SNX29: variants seen among roughly 807,000 people sequenced by gnomAD.
The protein encoded by SNX29 is sorting nexin 29, also known as sorting nexin-29.
In SNX29, 78 loss-of-function variants were observed where a neutral mutation model predicts 102.1. That is an observed-to-expected ratio of 0.76 (90% CI 0.64 to 0.92). The LOEUF (loss-of-function observed/expected upper bound fraction) is 0.92, where lower values mean the gene tolerates loss of function less well. Ranked by LOEUF, SNX29 falls within the 40% of genes least tolerant of loss-of-function variation. The pLI is 0.00. For synonymous variants in SNX29, 580 were observed against 414.5 expected (o/e 1.40, Z -4.85); for missense variants, 1,280 against 1,061.7 (o/e 1.21, Z -2.86).
intron 7 of SNX29, among the ~76,000 whole-genome samples, chr16:12,050,149 A>G (rs940913875): frequency 6.6e-6 from 1 of 152,150 alleles, no homozygotes; most frequent in African/African-American, 2.4e-5. Flanking sequence ...TGAAATTTCT[A>G]CACCCACAGG....
At position 12,129,658 on chromosome 16, in the gene SNX29, A is replaced by G. The variant is rs780906199; in HGVS notation, c.1495A>G (p.Met499Val). The G allele has an allele frequency of 1.2e-5, 19 of 1,611,266 alleles. 1 individual carries two copies. In the Admixed American group the frequency reaches 2.8e-4, roughly 24 times the overall value. The change falls in exon 13 of 21, where the codon ATG (methionine) becomes GTG (valine). Residue 499 changes from methionine (M) to valine (V), a missense_variant. Met to Val is a conservative substitution (Grantham distance 21, BLOSUM62 1). Coordinates refer to ENST00000566228, the MANE Select transcript of SNX29 (RefSeq NM_032167.5). ...RSLRNLLDGE[M>V]EHSAALRQEV... Reference sequence around the variant, plus strand: ...ACTGCGAAACCTGCTCGACGGTGAGATGGAGCACTCAGCCGCGCTCCGGCA... The same window carrying G: ...ACTGCGAAACCTGCTCGACGGTGAGGTGGAGCACTCAGCCGCGCTCCGGCA...
chr16:12,567,219 G>A (rs1280263560), intron 20 of SNX29, among the ~76,000 whole-genome samples: 3 of 152,242 alleles, frequency 2.0e-5, no homozygotes, highest in Non-Finnish European at 2.9e-5. Flanking sequence ...CTAAACCACA[G>A]ATAAGGCAGA....
intron 13 of SNX29, among the ~76,000 whole-genome samples, chr16:12,189,886 C>T (rs2076600504): frequency 6.6e-6 from 1 of 152,060 alleles, no homozygotes; most frequent in Non-Finnish European, 1.5e-5. Flanking sequence ...CTTCTGTGTC[C>T]TTTTAAAGTG....
Position 12,282,831 on chromosome 16 carries a change from A to C in SNX29, c.1782+4795A>C, listed in dbSNP as rs754721974. Among the ~76,000 whole-genome samples, 512 of 152,090 alleles carry C rather than the reference A, an allele frequency of 3.4e-3. 3 individuals carry two copies. The highest frequency in any genetic ancestry group is 5.5e-3 in the Non-Finnish European group (372 of 67,966). On this transcript the variant is annotated intron_variant, in intron 15 of 20. Transcript: ENST00000566228. ...CCACAATGCCTGGCTAATTTTTTGTATTTTTAGTAGAGACAGGGTTTCATC... is the reference window on the plus strand; with the variant it reads ...CCACAATGCCTGGCTAATTTTTTGTCTTTTTAGTAGAGACAGGGTTTCATC...
intron 20 of SNX29, among the ~76,000 whole-genome samples, chr16:12,533,605 C>G (rs149798959): frequency 3.3e-5 from 5 of 152,174 alleles, no homozygotes; most frequent in African/African-American, 7.2e-5. Context: ...GGAGGAGACA[C>G]CCCGCTACCT....
At chr16:12,515,883 A>C (rs372420962) in intron 19 of SNX29, among the ~76,000 whole-genome samples, 3 of 152,034 alleles carry the variant, frequency 2.0e-5, no homozygotes, top group African/African-American at 7.2e-5. Context: ...CTGTAACTCG[A>C]TGGTGCACCA....
At chr16:12,539,622 C>T (rs1040230622) in intron 20 of SNX29, among the ~76,000 whole-genome samples, 7 of 152,196 alleles carry the variant, frequency 4.6e-5, no homozygotes, top group Non-Finnish European at 1.0e-4. Context: ...AGGACTGGAT[C>T]CTATGCTAAA....
intron 16 of SNX29, among the ~76,000 whole-genome samples, chr16:12,358,815 G>A (rs1242309937): frequency 6.6e-6 from 1 of 152,202 alleles, no homozygotes; most frequent in African/African-American, 2.4e-5. Context: ...AAAGGCCCAG[G>A]AAGACAGGAT....
intron 3 of SNX29, among the ~76,000 whole-genome samples, chr16:12,024,201 C>G (rs543274546): frequency 6.6e-6 from 1 of 151,428 alleles, no homozygotes; most frequent in African/African-American, 2.4e-5. Flanking sequence ...TATAATGGCA[C>G]GATCTCGGCT....
At chr16:12,483,506 G>A (rs185193475) in intron 19 of SNX29, among the ~76,000 whole-genome samples, 5 of 151,794 alleles carry the variant, frequency 3.3e-5, no homozygotes, top group East Asian at 2.0e-4. Flanking sequence ...TTGTAGAGAC[G>A]GGGTTTCACC....
rs373870220 is a variant in SNX29 at position 12,540,904 on chromosome 16, T to C, written c.2318+16063T>C. Among the ~76,000 whole-genome samples, 107 of 152,328 alleles carry C rather than the reference T, an allele frequency of 7.0e-4. 2 individuals are homozygous for C. The East Asian group carries it at 0.02, about 28-fold the overall frequency. On this transcript the variant is annotated intron_variant, in intron 20 of 20. Transcript: ENST00000566228. ...TGGACCCAGAGCTGGAGGGCTTCTC[T>C]GACAGCCCTGTCTGTTCACCCCCTG...
chr16:12,545,353 TAC>T (rs1334961837), intron 20 of SNX29: 4 of 152,134 alleles, frequency 2.6e-5, no homozygotes, highest in African/African-American at 4.8e-5. Flanking sequence ...TCCAAGTACA[TAC>T]AGAGTGACAA....
chr16:12,051,883 A>C lies in SNX29; in HGVS notation c.785A>C (p.Lys262Thr), dbSNP rs1429016082. ...KCKKERKKKK[K>T]VTNIISFDDE... ...AAAAAGGAGCGGAAGAAGAAAAAGA[A>C]AGTGACCAACATAATCTCATTTGAT... Residue 262 changes from lysine to threonine, a missense_variant, in exon 8 of 21, where the codon AAA (lysine) becomes ACA (threonine). Coordinates refer to ENST00000566228, the MANE Select transcript of SNX29 (RefSeq NM_032167.5). The C allele has an allele frequency of 6.2e-7, 1 of 1,613,224 alleles. No individual in the cohort carries two copies. The highest frequency in any genetic ancestry group is 1.1e-5 in the South Asian group (1 of 90,686).
At chr16:12,418,403 G>T (rs929262243) in intron 18 of SNX29, among the ~76,000 whole-genome samples, 3 of 152,034 alleles carry the variant, frequency 2.0e-5, no homozygotes, top group Non-Finnish European at 4.4e-5. Context: ...TGTTTTTCTA[G>T]TGGAGTGGGT....
At chr16:12,465,875 CTT>C (rs2087028407) in intron 18 of SNX29, among the ~76,000 whole-genome samples, 1 of 151,100 alleles carries the variant, frequency 6.6e-6, no homozygotes, top group Non-Finnish European at 1.5e-5. Context: ...ATGTCTGATA[CTT>C]TTAAGCATAT....
chr16:12,358,738 C>T (rs372066150), intron 16 of SNX29, among the ~76,000 whole-genome samples: 3 of 152,176 alleles, frequency 2.0e-5, no homozygotes, highest in Admixed American at 1.3e-4. Context: ...TCAGTCTGTT[C>T]GTCTTAGACC....
chr16:12,363,525 C>G (rs1308754945), intron 16 of SNX29, among the ~76,000 whole-genome samples: 1 of 152,190 alleles, frequency 6.6e-6, no homozygotes, highest in Non-Finnish European at 1.5e-5. Flanking sequence ...GTGCGAGGTT[C>G]TGTGAGATTC....
chr16:12,347,778 TAAG>T (rs1231453526), intron 15 of SNX29, among the ~76,000 whole-genome samples: 1 of 151,914 alleles, frequency 6.6e-6, no homozygotes, highest in Non-Finnish European at 1.5e-5. Context: ...ATTTGACAAA[TAAG>T]ATACCAGGAA....
At chr16:12,528,442 C>A (rs573612661) in intron 20 of SNX29, among the ~76,000 whole-genome samples, 1 of 152,130 alleles carries the variant, frequency 6.6e-6, no homozygotes, top group Non-Finnish European at 1.5e-5. Flanking sequence ...TCAGGTGATC[C>A]GCGTACCTCG....
Sources: allele counts gnomAD v4.1 joint callset (sites outside exome capture counted in the v4.1 genomes callset), GRCh38; gene constraint gnomAD v4.1.1; transcripts MANE v1.5; gene names NCBI Gene and HGNC (gene_info 2026-07-23, HGNC 2026-07-21).